Variants in CACNA1D observed in about 807,000 individuals in gnomAD.
The protein encoded by CACNA1D is voltage-dependent L-type calcium channel subunit alpha-1D.
CACNA1D carries 55 observed loss-of-function variants against 257.1 expected under a neutral mutation model. The ratio of observed to expected loss-of-function variants is 0.21; its 90% CI spans 0.17 to 0.27. CACNA1D has a LOEUF of 0.27. CACNA1D is among the 10% of genes least tolerant of loss of function. The pLI, the probability that CACNA1D is intolerant of heterozygous loss-of-function variation, is 1.00. For missense variants in CACNA1D, 1,876 were observed against 2,784.0 expected (o/e 0.67, Z 7.34); for synonymous variants, 980 against 1,014.9 (o/e 0.97, Z 0.65).
chr3:53,700,860 CCTTT>C (rs1474423918), intron 8 of CACNA1D, among the ~76,000 whole-genome samples: 3 of 129,334 alleles, frequency 2.3e-5, no homozygotes, highest in Admixed American at 7.4e-5. Context: ...TTTTTTTTTT[CCTTT>C]CTTTCTTTCT....
At chr3:53,766,451 G>T (rs2095332797) in intron 30 of CACNA1D, among the ~76,000 whole-genome samples, 1 of 152,236 alleles carries the variant, frequency 6.6e-6, no homozygotes, top group Non-Finnish European at 1.5e-5. Flanking sequence ...CAGCTGTTCT[G>T]GGATGCTGGT....
intron 3 of CACNA1D, among the ~76,000 whole-genome samples, chr3:53,517,586 C>T (rs995459559): frequency 2.0e-5 from 3 of 151,790 alleles, no homozygotes; most frequent in Non-Finnish European, 4.4e-5. Context: ...CAGGTTCAAG[C>T]GATTCTTCTG....
At chr3:53,758,181 C>T (rs1018302745) in intron 29 of CACNA1D, among the ~76,000 whole-genome samples, 10 of 152,126 alleles carry the variant, frequency 6.6e-5, no homozygotes, top group South Asian at 6.2e-4. Flanking sequence ...CTTAATTCCC[C>T]GCTTACCTTT....
chr3:53,618,634 C>G (rs766715475), intron 3 of CACNA1D, among the ~76,000 whole-genome samples: 4 of 152,226 alleles, frequency 2.6e-5, no homozygotes, highest in Non-Finnish European at 5.9e-5. Context: ...TGCCCCTCCT[C>G]TAGGCATAGC....
intron 32 of CACNA1D, 59 bp downstream of exon 32, chr3:53,770,611 A>T: frequency 6.4e-7 from 1 of 1,556,218 alleles, no homozygotes; most frequent in Non-Finnish European, 8.9e-7. Flanking sequence ...TAAGTCAGTG[A>T]TTGTCCCCAT....
chr3:53,805,912 C>T (rs2095561557), intron 45 of CACNA1D, among the ~76,000 whole-genome samples: 1 of 97,052 alleles, frequency 1.0e-5, no homozygotes, highest in African/African-American at 4.3e-5. Flanking sequence ...CCCTCATCTT[C>T]TCCTGCTCCC....
chr3:53,701,560 G>C (rs997827996), intron 8 of CACNA1D, among the ~76,000 whole-genome samples: 1 of 152,246 alleles, frequency 6.6e-6, no homozygotes, highest in Non-Finnish European at 1.5e-5. Context: ...ACAAAGGCAA[G>C]AAGGCAGACA....
chr3:53,781,686 C>T lies in CACNA1D; in HGVS notation c.4792+19C>T. ...GCTGGTGGTCAGTGCAGTCTATTTCCTAAGTAGTCCTTGGCCAGTGCTTTG... is the reference window on the plus strand; with the variant it reads ...GCTGGTGGTCAGTGCAGTCTATTTCTTAAGTAGTCCTTGGCCAGTGCTTTG... On this transcript the variant is annotated intron_variant, in intron 39 of 47. Transcript: ENST00000350061. 6.7e-7 allele frequency: 1 copy of T among 1,498,056 alleles called. No homozygotes were observed. The highest frequency in any genetic ancestry group is 9.3e-7 in the Non-Finnish European group (1 of 1,073,946). 92.8% of individuals were successfully genotyped at this position (1,498,056 alleles called of 1,614,324 possible). A position where few individuals can be genotyped will look rare whatever the true frequency, so the allele number is the denominator to read the frequency against.
intron 3 of CACNA1D, among the ~76,000 whole-genome samples, chr3:53,625,503 G>T (rs931035064): frequency 1.3e-5 from 2 of 152,082 alleles, no homozygotes; most frequent in African/African-American, 2.4e-5. Flanking sequence ...GGACCCAAGC[G>T]GTGCTGTTCC....
intron 3 of CACNA1D, among the ~76,000 whole-genome samples, chr3:53,643,195 T>C (rs1413896155): frequency 6.6e-6 from 1 of 152,302 alleles, no homozygotes; most frequent in East Asian, 1.9e-4. Flanking sequence ...GTAGCCAGTT[T>C]CTTCATGTAA....
intron 9 of CACNA1D, among the ~76,000 whole-genome samples, chr3:53,708,902 A>G (rs2094720224): frequency 6.6e-6 from 1 of 152,160 alleles, no homozygotes; most frequent in African/African-American, 2.4e-5. Flanking sequence ...CAACACAGGT[A>G]TTTTTCACTG....
rs2094349822 is a variant in CACNA1D at position 53,673,983 on chromosome 3, CTG to C, written c.1220+860_1220+861del. On this transcript the variant is annotated intron_variant, in intron 8 of 47. Coordinates refer to ENST00000350061, the MANE Select transcript of CACNA1D (RefSeq NM_001128840.3). The surrounding 1 kb of genome is among the most constrained non-coding windows in gnomAD (Gnocchi z 4.1). ...TGTGATTCTTTCTGCCTGTATCTGT[CTG>C]TGAGATTCCGTGTTTCCAATGCTTG... The C allele has an allele frequency of 1.4e-6, 1 of 691,934 alleles. No homozygotes were observed. Among genetic ancestry groups the C allele is most frequent in the African/African-American group, 1.8e-5 (1 of 56,472 alleles). The allele number at this position is 691,934 out of a possible 1,614,324, so 42.9% of individuals were successfully genotyped here.
chr3:53,776,204 G>A (rs1019095112), intron 35 of CACNA1D, among the ~76,000 whole-genome samples, 159 bp downstream of exon 35: 3 of 152,218 alleles, frequency 2.0e-5, no homozygotes, highest in Admixed American at 6.5e-5. Flanking sequence ...GTTTAACCAG[G>A]CGTGTGTCAC....
At chr3:53,750,173 G>A (rs1470098598) in intron 27 of CACNA1D, among the ~76,000 whole-genome samples, 2 of 152,184 alleles carry the variant, frequency 1.3e-5, no homozygotes, top group African/African-American at 4.8e-5. Context: ...GTAGAAGTAG[G>A]AGCCTTTTGC....
At chr3:53,542,619 A>G (rs1253913422) in intron 3 of CACNA1D, among the ~76,000 whole-genome samples, 1 of 151,704 alleles carries the variant, frequency 6.6e-6, no homozygotes, top group Non-Finnish European at 1.5e-5. Context: ...TAAATATTCA[A>G]GAATTCTCAG....
chr3:53,680,635 T>C (rs1381486082), intron 8 of CACNA1D, among the ~76,000 whole-genome samples: 1 of 152,196 alleles, frequency 6.6e-6, no homozygotes, highest in African/African-American at 2.4e-5. Flanking sequence ...CCCAGCTCTT[T>C]ATAAAGCTGT....
chr3:53,769,836 G>T, intron 30 of CACNA1D, 137 bp from the exon 31 acceptor site: 3 of 776,888 alleles, frequency 3.9e-6, no homozygotes, highest in Non-Finnish European at 7.0e-6. Context: ...GAGAGCCACT[G>T]GTATTTTCTC....
chr3:53,553,782 C>T (rs2092583720), intron 3 of CACNA1D, among the ~76,000 whole-genome samples: 1 of 151,718 alleles, frequency 6.6e-6, no homozygotes. Flanking sequence ...GGCAGTCAGT[C>T]TTTGCATTGG....
At chr3:53,697,689 G>C (rs952686801) in intron 8 of CACNA1D, among the ~76,000 whole-genome samples, 1 of 151,996 alleles carries the variant, frequency 6.6e-6, no homozygotes, top group African/African-American at 2.4e-5. Context: ...TTTTTCATTT[G>C]TTATCTATCC....
Sources: gnomAD v4.1 joint callset for allele counts (sites outside exome capture counted in the v4.1 genomes callset) on GRCh38, gnomAD v4.1.1 for gene constraint, Gnocchi (gnomAD v3.1) non-coding constraint, MANE v1.5 for transcripts, NCBI Gene and HGNC (gene_info 2026-07-23, HGNC 2026-07-21) for gene names.